The following GRIA3 variants were observed in gnomAD, a reference collection of about 807,000 sequenced individuals.
GRIA3 encodes the protein glutamate ionotropic receptor AMPA type subunit 3.
Under a neutral mutation model 63.0 loss-of-function variants are expected in GRIA3, and 3 were observed. That is an observed-to-expected ratio of 0.05 (90% CI 0.02 to 0.12). The LOEUF (loss-of-function observed/expected upper bound fraction) is 0.12. Ranked by LOEUF, GRIA3 falls within the 10% of genes least tolerant of loss-of-function variation. The pLI, the probability that GRIA3 is intolerant of heterozygous loss-of-function variation, is 1.00. For synonymous variants in GRIA3, 274 were observed against 257.9 expected (o/e 1.06, Z -0.60); for missense variants, 347 against 700.9 (o/e 0.50, Z 5.70).
At chrX:123,204,614 G>A (rs899967675) in intron 2 of GRIA3, 1 of 1,103,316 alleles carries the variant, frequency 9.1e-7, no homozygotes, top group Admixed American at 3.2e-5. Context: ...ATGAAGCTGA[G>A]ATGGGACAGG....
intron 2 of GRIA3, among the ~76,000 whole-genome samples, chrX:123,210,331 C>T (rs1928011732): frequency 9.1e-6 from 1 of 110,357 alleles, no homozygotes. Flanking sequence ...TTTGAGTTCA[C>T]CAGTGATCTT....
intron 3 of GRIA3, among the ~76,000 whole-genome samples, chrX:123,316,784 G>A (rs191532633): frequency 2.7e-5 from 3 of 112,070 alleles, no homozygotes; most frequent in Admixed American, 1.9e-4. Flanking sequence ...ACAGTCATGC[G>A]CCACATAATG....
At chrX:123,211,236 T>C (rs1385308806) in intron 2 of GRIA3, among the ~76,000 whole-genome samples, 1 of 111,388 alleles carries the variant, frequency 9.0e-6, no homozygotes, top group Non-Finnish European at 1.9e-5. Flanking sequence ...CACCCATATT[T>C]TAGGTGCTAT....
chrX:123,459,715 A>T (rs6608089), intron 12 of GRIA3, among the ~76,000 whole-genome samples: 32,502 of 109,460 alleles, frequency 0.3, 3,821 homozygotes, highest in African/African-American at 0.37. Context: ...TGAACTTGTT[A>T]TTACACATCC....
intron 2 of GRIA3, among the ~76,000 whole-genome samples, chrX:123,227,490 C>A (rs1165346861): frequency 8.9e-6 from 1 of 111,891 alleles, no homozygotes; most frequent in Non-Finnish European, 1.9e-5. Context: ...GAAGGGTGGC[C>A]AGCAAGTGTT....
intron 13 of GRIA3, among the ~76,000 whole-genome samples, chrX:123,466,943 A>G (rs2045837546): frequency 8.9e-6 from 1 of 112,679 alleles, no homozygotes; most frequent in Non-Finnish European, 1.9e-5. Context: ...CAAATATAAT[A>G]TGGGTTTGGA....
At chrX:123,201,941 G>A (rs1927753409) in intron 2 of GRIA3, among the ~76,000 whole-genome samples, 1 of 111,956 alleles carries the variant, frequency 8.9e-6, no homozygotes, top group African/African-American at 3.2e-5. Context: ...TGTCATCCCC[G>A]GCAATGACCA....
chrX:123,332,231 A>G (rs1392290022), intron 4 of GRIA3, among the ~76,000 whole-genome samples: 1 of 111,071 alleles, frequency 9.0e-6, no homozygotes, highest in Non-Finnish European at 1.9e-5. Context: ...CTCAAGAACA[A>G]TTTGAGGATT....
chrX:123,218,109 G>T (rs1464858233), intron 2 of GRIA3, among the ~76,000 whole-genome samples: 1 of 112,537 alleles, frequency 8.9e-6, no homozygotes, highest in Non-Finnish European at 1.9e-5. Flanking sequence ...TTGTTCCAAA[G>T]ATGCTAAATA....
chrX:123,229,779 T>A (rs888070126), intron 2 of GRIA3, among the ~76,000 whole-genome samples: 1 of 112,200 alleles, frequency 8.9e-6, no homozygotes, highest in East Asian at 2.8e-4. Context: ...CTTAGTGAGA[T>A]AAGTCATTGT....
chrX:123,213,944 G>T (rs1307985212), intron 2 of GRIA3, among the ~76,000 whole-genome samples: 1 of 111,920 alleles, frequency 8.9e-6, no homozygotes, highest in African/African-American at 3.2e-5. Flanking sequence ...AGCCTCAGTG[G>T]CCTGAAAGCT....
At chrX:123,377,543 A>G (rs937771515) in intron 5 of GRIA3, among the ~76,000 whole-genome samples, 1 of 112,289 alleles carries the variant, frequency 8.9e-6, no homozygotes, top group African/African-American at 3.2e-5. Context: ...TCTCTGTAAC[A>G]TTAGTATCTT....
At chrX:123,264,572 C>A (rs1039781868) in intron 3 of GRIA3, among the ~76,000 whole-genome samples, 4 of 111,873 alleles carry the variant, frequency 3.6e-5, no homozygotes, top group Non-Finnish European at 7.5e-5. Context: ...GGCTCCCACC[C>A]TTCCATGGAG....
chrX:123,236,700 G>T (rs1204322540), intron 2 of GRIA3, among the ~76,000 whole-genome samples: 7 of 110,753 alleles, frequency 6.3e-5, no homozygotes, highest in Non-Finnish European at 1.1e-4. Context: ...TTGCCAGTAT[G>T]CTAGAGAGGA....
chrX:123,291,833 AAGG>A (rs1359526913), intron 3 of GRIA3, among the ~76,000 whole-genome samples: 1 of 110,839 alleles, frequency 9.0e-6, no homozygotes, highest in East Asian at 2.9e-4. Flanking sequence ...GTTAGCAAAG[AAGG>A]AGGAAATAGA....
intron 4 of GRIA3, among the ~76,000 whole-genome samples, chrX:123,335,458 ATCATAAGTTCC>A (rs1323706151): frequency 8.9e-6 from 1 of 111,788 alleles, no homozygotes; most frequent in Admixed American, 9.5e-5. Flanking sequence ...TCATAAGCCT[ATCATAAGTTCC>A]TCATTATATC....
intron 3 of GRIA3, among the ~76,000 whole-genome samples, chrX:123,262,282 A>G (rs1001677968): frequency 6.3e-5 from 7 of 111,817 alleles, no homozygotes; most frequent in Admixed American, 1.9e-4. Context: ...TTATTATTTT[A>G]TTACCATTAT....
intron 5 of GRIA3, among the ~76,000 whole-genome samples, chrX:123,387,378 T>C (rs1382857501): frequency 8.9e-6 from 1 of 112,023 alleles, no homozygotes; most frequent in East Asian, 2.8e-4. Context: ...GCTCATGACA[T>C]ATGCAAAGAA....
chrX:123,318,505 T>C (rs1263790361), intron 3 of GRIA3, among the ~76,000 whole-genome samples: 1 of 111,793 alleles, frequency 8.9e-6, no homozygotes, highest in Non-Finnish European at 1.9e-5. Context: ...AAATCATCTC[T>C]CTCAAGTTCA....
Sources: allele counts gnomAD v4.1 joint callset (sites outside exome capture counted in the v4.1 genomes callset), GRCh38; gene constraint gnomAD v4.1.1; transcripts MANE v1.5; gene names NCBI Gene and HGNC (gene_info 2026-07-23, HGNC 2026-07-21).